Variants in MRTFB observed in about 807,000 individuals in gnomAD.
MRTFB encodes the protein myocardin-related transcription factor B.
In MRTFB, 29 loss-of-function variants were observed where a neutral mutation model predicts 104.2. The ratio of observed to expected loss-of-function variants is 0.28; its 90% CI spans 0.21 to 0.38. The LOEUF (loss-of-function observed/expected upper bound fraction) is 0.38. Among genes scored for constraint, MRTFB ranks in the 10% least tolerant of loss-of-function variants. The pLI is 1.00. For synonymous variants in MRTFB, 535 were observed against 519.5 expected (o/e 1.03, Z -0.41); for missense variants, 1,270 against 1,341.6 (o/e 0.95, Z 0.83).
chr16:14,080,184 G>T (rs1191991921), intron 2 of MRTFB, among the ~76,000 whole-genome samples: 3 of 152,012 alleles, frequency 2.0e-5, no homozygotes, highest in Non-Finnish European at 4.4e-5. Context: ...GTAACTGCTG[G>T]GTCAGAGATT....
Position 14,263,382 on chromosome 16 carries a change from TATTTTTCTTAC to T in MRTFB, c.*1940_*1950del, listed in dbSNP as rs1343149100. Reference sequence around the variant, plus strand: ...GGGCCAGGCTATTTACTTGGGAAAGTATTTTTCTTACAGTTCTTGGCCACAGTTTTTTTGCT... The same window carrying T: ...GGGCCAGGCTATTTACTTGGGAAAGTAGTTCTTGGCCACAGTTTTTTTGCT... On this transcript the variant is annotated 3_prime_UTR_variant, in exon 17 of 17. Coordinates refer to ENST00000571589, the MANE Select transcript of MRTFB (RefSeq NM_001308142.2). The T allele has an allele frequency of 2.0e-5, 3 of 152,248 alleles. No homozygotes were observed. Among genetic ancestry groups the T allele is most frequent in the African/African-American group, 7.2e-5 (3 of 41,464 alleles). 9.4% of individuals were successfully genotyped at this position (152,248 alleles called of 1,614,324 possible).
chr16:14,024,647 G>A, the MRTFB span, among the ~76,000 whole-genome samples: 1 of 152,016 alleles, frequency 6.6e-6, no homozygotes, highest in African/African-American at 2.4e-5. Context: ...ACCAAAAATG[G>A]GACAACCTAA....
At chr16:13,994,775 T>C in the MRTFB span, among the ~76,000 whole-genome samples, 1 of 152,184 alleles carries the variant, frequency 6.6e-6, no homozygotes, top group Non-Finnish European at 1.5e-5. Flanking sequence ...ATAGGTGCTG[T>C]TTGTTTAATT....
intron 8 of MRTFB, among the ~76,000 whole-genome samples, chr16:14,225,054 C>T (rs142219915): frequency 1.8e-4 from 27 of 152,122 alleles, no homozygotes; most frequent in African/African-American, 5.1e-4. Flanking sequence ...GATGTGGTGG[C>T]GCGTGCCTGT....
intron 2 of MRTFB, among the ~76,000 whole-genome samples, chr16:14,118,373 C>T (rs1423568271): frequency 6.6e-6 from 1 of 151,480 alleles, no homozygotes; most frequent in Admixed American, 6.6e-5. Context: ...AACTCCTGAA[C>T]TCAAGCGATC....
At chr16:14,046,125 A>C in the MRTFB span, among the ~76,000 whole-genome samples, 1,397 of 152,274 alleles carry the variant, frequency 9.2e-3, 28 homozygotes, top group African/African-American at 0.032. Context: ...GGCACTACTT[A>C]CTGTTTCTCT....
Position 14,210,319 on chromosome 16 carries a change from T to G in MRTFB, c.220+11T>G. 3 of 1,608,384 alleles carry G rather than the reference T, an allele frequency of 1.9e-6. No individual in the cohort carries two copies. The highest frequency in any genetic ancestry group is 2.6e-6 in the Non-Finnish European group (3 of 1,175,966). ...AGGGCATCATGCCACGTAAGATTTA[T>G]ACCATCACTGCCATCCCTAACGTGA... On this transcript the variant is annotated intron_variant, in intron 4 of 16. Coordinates refer to ENST00000571589, the MANE Select transcript of MRTFB (RefSeq NM_001308142.2).
chr16:14,056,341 T>A, the MRTFB span, among the ~76,000 whole-genome samples: 1 of 152,126 alleles, frequency 6.6e-6, no homozygotes. Flanking sequence ...CCTTCCTTCC[T>A]CCTTTTCTTG....
chr16:14,030,942 ATG>A, the MRTFB span, among the ~76,000 whole-genome samples: 1 of 152,174 alleles, frequency 6.6e-6, no homozygotes, highest in African/African-American at 2.4e-5. Context: ...GGCTCTGAAA[ATG>A]GACTTGGGGG....
At chr16:14,200,419 G>C in intron 3 of MRTFB, 1 of 1,608,524 alleles carries the variant, frequency 6.2e-7, no homozygotes, top group Non-Finnish European at 8.5e-7. Flanking sequence ...CGGAAGAGGA[G>C]ACGACTAATA....
chr16:14,168,431 G>T (rs2039320381), intron 3 of MRTFB, among the ~76,000 whole-genome samples: 3 of 152,178 alleles, frequency 2.0e-5, no homozygotes, highest in Admixed American at 2.0e-4. Flanking sequence ...AGCTACTGTT[G>T]TGGTTTTGTT....
At chr16:14,027,064 A>G in the MRTFB span, among the ~76,000 whole-genome samples, 1 of 152,210 alleles carries the variant, frequency 6.6e-6, no homozygotes, top group Non-Finnish European at 1.5e-5. Flanking sequence ...ATTTATACCA[A>G]AGAAATGAAA....
At chr16:14,118,187 A>G (rs1266805619) in intron 2 of MRTFB, among the ~76,000 whole-genome samples, 2 of 138,580 alleles carry the variant, frequency 1.4e-5, no homozygotes, top group African/African-American at 5.6e-5. Context: ...CCCAGGCTGG[A>G]GTGCAGCAGC....
At chr16:14,116,269 C>T (rs1015050817) in intron 2 of MRTFB, among the ~76,000 whole-genome samples, 5 of 152,078 alleles carry the variant, frequency 3.3e-5, no homozygotes, top group Admixed American at 3.3e-4. Context: ...TCCATCCTCA[C>T]GTCCCTTTTC....
chr16:14,001,445 C>G, the MRTFB span, among the ~76,000 whole-genome samples: 1 of 152,228 alleles, frequency 6.6e-6, no homozygotes. Context: ...CTCTTTGCAT[C>G]TCACTACCCA....
intron 3 of MRTFB, among the ~76,000 whole-genome samples, chr16:14,145,012 A>AT (rs2038235485): frequency 6.8e-6 from 1 of 148,122 alleles, no homozygotes; most frequent in South Asian, 2.1e-4. Flanking sequence ...ATATATATAT[A>AT]ACTTTTGTCA....
the MRTFB span, among the ~76,000 whole-genome samples, chr16:14,056,422 T>C: frequency 1.3e-5 from 2 of 152,204 alleles, no homozygotes; most frequent in Admixed American, 1.3e-4. Flanking sequence ...TAATCCAATA[T>C]TACCATTAGT....
chr16:14,164,485 A>G (rs1330177032), intron 3 of MRTFB, among the ~76,000 whole-genome samples: 2 of 152,118 alleles, frequency 1.3e-5, no homozygotes, highest in Admixed American at 1.3e-4. Context: ...TTCACACACT[A>G]CATTTTCTTT....
chr16:14,155,966 T>C (rs2038811247), intron 3 of MRTFB, among the ~76,000 whole-genome samples: 1 of 152,218 alleles, frequency 6.6e-6, no homozygotes, highest in Non-Finnish European at 1.5e-5. Context: ...CTTAGCCTGC[T>C]TAAGCTCTCC....
Sources: gnomAD v4.1 joint callset for allele counts (sites outside exome capture counted in the v4.1 genomes callset) on GRCh38, gnomAD v4.1.1 for gene constraint, MANE v1.5 for transcripts, NCBI Gene and HGNC (gene_info 2026-07-23, HGNC 2026-07-21) for gene names.